Variants in PCDH15 observed in about 807,000 individuals in gnomAD.
The protein encoded by PCDH15 is protocadherin related 15.
PCDH15 carries 129 observed loss-of-function variants against 178.5 expected under a neutral mutation model. That is an observed-to-expected ratio of 0.72 (90% confidence interval 0.63 to 0.84). PCDH15 has a LOEUF of 0.84. Ranked by LOEUF, PCDH15 falls within the 40% of genes least tolerant of loss-of-function variation. The pLI is 0.00. For synonymous variants in PCDH15, 800 were observed against 732.0 expected, an observed-to-expected ratio of 1.09 and a Z score of -1.50; for missense variants, 2,230 against 2,099.9, an observed-to-expected ratio of 1.06 and a Z score of -1.21.
intron 1 of PCDH15, among the ~76,000 whole-genome samples, chr10:55,248,684 G>C (rs1225497804): frequency 6.6e-6 from 1 of 151,914 alleles, no homozygotes; most frequent in Admixed American, 6.6e-5. Context: ...AGCCTCCCAA[G>C]TAGCTGGGAT....
At chr10:54,684,669 A>G (rs7911023) in intron 1 of PCDH15, among the ~76,000 whole-genome samples, 78,189 of 151,820 alleles carry the variant, frequency 0.52, 20,934 homozygotes, top group Non-Finnish European at 0.6. Context: ...AAAATATTTA[A>G]GAAGGGAGGA....
At chr10:55,301,566 A>C (rs1843281438) in intron 1 of PCDH15, among the ~76,000 whole-genome samples, 1 of 152,034 alleles carries the variant, frequency 6.6e-6, no homozygotes, top group Non-Finnish European at 1.5e-5. Context: ...TCCTTTTAAC[A>C]GTATCGTTTG....
At chr10:54,281,356 T>C (rs919478557) in intron 8 of PCDH15, among the ~76,000 whole-genome samples, 21 of 151,968 alleles carry the variant, frequency 1.4e-4, no homozygotes, top group Admixed American at 1.4e-3. Context: ...TGTCTAAAAA[T>C]GTATAACAGT....
rs540093000 is a variant in PCDH15 at position 54,098,649 on chromosome 10, T to C, written c.1918-8586A>G. On this transcript the variant is annotated intron_variant, in intron 15 of 37. Coordinates refer to ENST00000644397, the MANE Select transcript of PCDH15 (RefSeq NM_001384140.1). ...GTCAGGCCTCTGAAAGGACAAATCT[T>C]ACTTGCTAATAAATATACTGTGCAT... Among the ~76,000 whole-genome samples the C allele has an allele frequency of 1.3e-4, 20 of 152,308 alleles. No individual in the cohort carries two copies. In the East Asian group the frequency reaches 3.1e-3, roughly 24 times the overall value.
At chr10:55,434,298 C>T (rs1012710165) in intron 2 of PCDH15, among the ~76,000 whole-genome samples, 3 of 151,652 alleles carry the variant, frequency 2.0e-5, no homozygotes, top group Non-Finnish European at 2.9e-5. Context: ...CCTCGTGATC[C>T]GCCCTCCTTG....
chr10:53,864,886 C>T (rs1589149131), intron 27 of PCDH15, among the ~76,000 whole-genome samples: 2 of 151,926 alleles, frequency 1.3e-5, no homozygotes, highest in Admixed American at 6.6e-5. Flanking sequence ...GTGTTTTGTT[C>T]AATTCTTTGT....
rs1842614549 is a variant in PCDH15 at position 55,277,091 on chromosome 10, GA to G, written c.-156+42507del. ...GATATGTTGTAAAATCTCCTACCTA[GA>G]TTAGCATTCCAGTTCAGAGGGTCAT... On this transcript the variant is annotated intron_variant, in intron 1 of 5. Coordinates refer to the PCDH15 transcript ENST00000458638. Among the ~76,000 whole-genome samples the G allele has an allele frequency of 6.6e-5, 10 of 152,096 alleles. No individual in the cohort carries two copies. In the South Asian group the frequency reaches 2.1e-3, roughly 31 times the overall value.
chr10:54,662,938 A>T (rs989526624), intron 2 of PCDH15, among the ~76,000 whole-genome samples: 2 of 151,970 alleles, frequency 1.3e-5, no homozygotes, highest in African/African-American at 4.8e-5. Context: ...AATCATTTTT[A>T]GGCTGCAGAT....
intron 25 of PCDH15, chr10:53,905,344 T>C (rs1171317540): frequency 2.2e-6 from 1 of 448,032 alleles, no homozygotes; most frequent in Middle Eastern, 4.4e-4. Flanking sequence ...TTCTTTTTCT[T>C]GTTTTTTGAG....
At chr10:55,542,697 A>ATATACAC (rs1376948614) in intron 2 of PCDH15, among the ~76,000 whole-genome samples, 1 of 50,306 alleles carries the variant, frequency 2.0e-5, no homozygotes, top group African/African-American at 8.1e-5. Context: ...ATAGGTACAT[A>ATATACAC]CAGACATATG....
chr10:54,075,236 G>A (rs12244901), intron 17 of PCDH15, among the ~76,000 whole-genome samples: 2,430 of 152,048 alleles, frequency 0.016, 61 homozygotes, highest in African/African-American at 0.052. Flanking sequence ...AAATAGCCAG[G>A]CATGGTGGCA....
At chr10:53,848,293 T>C (rs2078113854) in intron 28 of PCDH15, among the ~76,000 whole-genome samples, 1 of 151,402 alleles carries the variant, frequency 6.6e-6, no homozygotes, top group Admixed American at 6.6e-5. Context: ...TTAAAAGAAA[T>C]AAATGTCCAC....
At chr10:55,257,291 G>C (rs2680330) in intron 1 of PCDH15, among the ~76,000 whole-genome samples, 128,685 of 152,022 alleles carry the variant, frequency 0.85, 55,105 homozygotes, top group East Asian at 0.96. Flanking sequence ...AGCAGAAAAA[G>C]TGGAAACTCT....
rs571189197 is a variant in PCDH15, at chr10:54,944,548, T to C, written c.-79-47048A>G. On this transcript the variant is annotated intron_variant, in intron 2 of 5. Coordinates refer to the PCDH15 transcript ENST00000458638. ...TAGGCAGTGAATACACAGTTTATGC[T>C]AGTTATTTTTTAAGCAGCCAATCCA... 2.6e-5 allele frequency among the ~76,000 whole-genome samples: 4 copies of C among 152,048 alleles called. No homozygotes were observed. In the South Asian group the frequency reaches 8.3e-4, roughly 32 times the overall value.
chr10:55,262,030 G>A (rs1240403321), intron 1 of PCDH15, among the ~76,000 whole-genome samples: 1 of 150,240 alleles, frequency 6.7e-6, no homozygotes, highest in African/African-American at 2.5e-5. Flanking sequence ...AAACAAAGAA[G>A]GGAGGGAGGG....
At chr10:54,995,645 A>AAC (rs372091306) in intron 2 of PCDH15, among the ~76,000 whole-genome samples, 7 of 151,060 alleles carry the variant, frequency 4.6e-5, no homozygotes, top group South Asian at 2.1e-4. Context: ...CCACGCCCCA[A>AAC]ACACACACAC....
chr10:54,203,330 C>G (rs2050443640), intron 10 of PCDH15, among the ~76,000 whole-genome samples: 1 of 152,176 alleles, frequency 6.6e-6, no homozygotes, highest in African/African-American at 2.4e-5. Context: ...ATCCTCTTGA[C>G]ATTCCATTAT....
rs1395322977 is a variant in PCDH15 at position 54,825,208 on chromosome 10, A to AT, written c.-29+72241dup. On this transcript the variant is annotated intron_variant, in intron 3 of 5. Coordinates refer to the PCDH15 transcript ENST00000458638. The stretch of plus-strand genomic sequence containing the variant: ...TCCCTACAAAGGACATGAACTCATC[A>AT]TTTTTTATGGCTGCATAGTATTCCA... Among the ~76,000 whole-genome samples, 176 of 151,688 alleles carry AT rather than the reference A, an allele frequency of 1.2e-3. 1 individual carries two copies. Among genetic ancestry groups the AT allele is most frequent in the African/African-American group, 4.1e-3 (169 of 41,336 alleles).
chr10:54,603,393 T>C (rs187374931), intron 2 of PCDH15, among the ~76,000 whole-genome samples: 75 of 152,116 alleles, frequency 4.9e-4, no homozygotes, highest in African/African-American at 1.8e-3. Flanking sequence ...TTTGCCTTAA[T>C]TAGCATTATT....
Sources: gnomAD v4.1 joint callset for allele counts (sites outside exome capture counted in the v4.1 genomes callset) on GRCh38, gnomAD v4.1.1 for gene constraint, MANE v1.5 for transcripts, NCBI Gene and HGNC (gene_info 2026-07-23, HGNC 2026-07-21) for gene names.